STOML3: variants seen among roughly 807,000 people sequenced by gnomAD.
STOML3 encodes stomatin like 3.
A neutral mutation model predicts 29.5 loss-of-function variants in STOML3; 31 were observed. The observed-to-expected ratio is 1.05, with a 90% CI of 0.79 to 1.42. STOML3 has a LOEUF of 1.42. Among genes scored for constraint, STOML3 ranks in the 40% most tolerant of loss-of-function variants. The pLI is 0.00. For missense variants in STOML3, 380 were observed against 363.0 expected (o/e 1.05, Z -0.38); for synonymous variants, 122 against 139.8 (o/e 0.87, Z 0.90).
intron 3 of STOML3, among the ~76,000 whole-genome samples, chr13:38,973,479 T>C (rs1196181484): frequency 6.6e-6 from 1 of 152,124 alleles, no homozygotes; most frequent in African/African-American, 2.4e-5. Flanking sequence ...GAGGGCCCAT[T>C]TCCAGATTTA....
chr13:38,983,696 G>A (rs1372843933), intron 1 of STOML3, among the ~76,000 whole-genome samples: 1 of 152,106 alleles, frequency 6.6e-6, no homozygotes, highest in Non-Finnish European at 1.5e-5. Flanking sequence ...TATTATCTAC[G>A]CTAGTCCTAT....
At chr13:38,985,907 C>CTTTTTT (rs1868500200) in intron 1 of STOML3, among the ~76,000 whole-genome samples, 110 of 23,558 alleles carry the variant, frequency 4.7e-3, no homozygotes, top group Non-Finnish European at 6.8e-3. Flanking sequence ...TTTTTCTTTT[C>CTTTTTT]TTTCTTTTTT....
At chr13:38,968,331 C>T in intron 6 of STOML3, 69 bp downstream of exon 6, 1 of 1,566,076 alleles carries the variant, frequency 6.4e-7, no homozygotes, top group Non-Finnish European at 8.7e-7. Context: ...ATCTTCTGTT[C>T]AAGTCCTATC....
intron 1 of STOML3, among the ~76,000 whole-genome samples, chr13:38,985,026 A>G (rs758994342): frequency 2.0e-5 from 3 of 152,188 alleles, no homozygotes; most frequent in Non-Finnish European, 4.4e-5. Context: ...ATCAGACAAG[A>G]TTCTATTTTC....
rs369846460 is a variant in STOML3, at chr13:38,966,959, G to A, written c.742C>T (p.Arg248Cys). 172 of 1,614,044 alleles carry A rather than the reference G, an allele frequency of 1.1e-4. No individual in the cohort carries two copies. Among genetic ancestry groups the A allele is most frequent in the Middle Eastern group, 1.6e-4 (1 of 6,062 alleles). ...ACCGTGCTCAAGGTCTGCAGGTAGC[G>A]CAGCTGGAGAGCTATGGGAGACTCA... is the stretch of plus-strand genomic sequence containing the variant. ...LAESPIALQLRYLQTLSTVAT... is the reference protein window; with the variant it reads ...LAESPIALQLCYLQTLSTVAT... The change falls in exon 7 of 7, where the codon CGC (arginine) becomes TGC (cysteine). Residue 248 changes from arginine (R) to cysteine (C), a missense_variant. Transcript: ENST00000379631.
At chr13:38,990,644 G>T in intron 1 of STOML3, 26 bp downstream of exon 1, 1 of 1,612,918 alleles carries the variant, frequency 6.2e-7, no homozygotes. Context: ...TAAAAAACAA[G>T]CCTAAGACAG....
rs776422641 is a variant in STOML3 at position 38,972,511 on chromosome 13, C to A, written c.312+1G>T. The A allele has an allele frequency of 1.2e-5, 20 of 1,613,388 alleles. No individual in the cohort carries two copies. The highest frequency in any genetic ancestry group is 2.5e-6 in the Non-Finnish European group (3 of 1,179,544). On this transcript the variant is annotated splice_donor_variant, in intron 4 of 6. Transcript: ENST00000379631. LOFTEE classifies it high-confidence loss of function. ...AGTGACATATCCTTAATCAGTACTACCTCTTGTGGAGGAATGTTGCAAGTA... is the reference window on the plus strand; with the variant it reads ...AGTGACATATCCTTAATCAGTACTAACTCTTGTGGAGGAATGTTGCAAGTA...
intron 1 of STOML3, among the ~76,000 whole-genome samples, chr13:38,987,745 T>C (rs902304303): frequency 8.0e-6 from 1 of 124,510 alleles, no homozygotes; most frequent in African/African-American, 3.1e-5. Flanking sequence ...ATATATAAAA[T>C]ATATAGTATG....
At chr13:38,967,691 C>T (rs1012497981) in intron 6 of STOML3, among the ~76,000 whole-genome samples, 3 of 152,164 alleles carry the variant, frequency 2.0e-5, no homozygotes, top group Non-Finnish European at 2.9e-5. Context: ...GAGTCCCTTC[C>T]TGGAAGCTGC....
Position 38,988,375 on chromosome 13 carries a change from T to TTTATATAAAATATATG in STOML3, c.52+2294_52+2295insCATATATTTTATATAA, listed in dbSNP as rs1868771318. Among the ~76,000 whole-genome samples the TTTATATAAAATATATG allele has an allele frequency of 4.9e-5, 3 of 60,880 alleles. 1 individual carries two copies. In the African/African-American group the frequency reaches 5.4e-4, roughly 11 times the overall value. The allele number at this position is 60,880 out of a possible 152,430, so 39.9% of individuals were successfully genotyped here. A position where few individuals can be genotyped will look rare whatever the true frequency, so the allele number is the denominator to read the frequency against. ...ATATCATATATTTTATATAATATAT[T>TTTATATAAAATATATG]ATATTTTATATCATATATTTTATAT... On this transcript the variant is annotated intron_variant, in intron 1 of 6. Coordinates refer to ENST00000379631, the MANE Select transcript of STOML3 (RefSeq NM_145286.3).
intron 1 of STOML3, among the ~76,000 whole-genome samples, chr13:38,988,074 C>T (rs1443094519): frequency 9.0e-4 from 88 of 97,818 alleles, no homozygotes; most frequent in East Asian, 2.2e-3. Context: ...TATTTTATAT[C>T]ATATATTTTA....
intron 1 of STOML3, among the ~76,000 whole-genome samples, chr13:38,983,012 A>G (rs1881320752): frequency 6.6e-6 from 1 of 152,196 alleles, no homozygotes; most frequent in African/African-American, 2.4e-5. Context: ...AGACACAGGC[A>G]TGAGTGACTA....
In STOML3 at chr13:38,990,723, T is replaced by C. The variant is rs1318109258; in HGVS notation, c.-2A>G. The C allele has an allele frequency of 5.6e-6, 9 of 1,613,732 alleles. No individual in the cohort carries two copies. Among genetic ancestry groups the C allele is most frequent in the Admixed American group, 5.0e-5 (3 of 59,982 alleles). ...AGGTGAAGACACCCTAGAATCCATC[T>C]CATTCTTGAGAAGCTTTTATACTTG... On this transcript the variant is annotated 5_prime_UTR_variant, in exon 1 of 7. Transcript: ENST00000379631.
intron 1 of STOML3, among the ~76,000 whole-genome samples, chr13:38,985,058 A>G (rs1389481265): frequency 2.6e-5 from 4 of 152,202 alleles, no homozygotes; most frequent in African/African-American, 7.2e-5. Context: ...TCAATTAACC[A>G]AAGAACCATA....
intron 3 of STOML3, among the ~76,000 whole-genome samples, chr13:38,975,322 G>GAAA (rs5802966): frequency 4.1e-5 from 6 of 144,868 alleles, no homozygotes; most frequent in Admixed American, 2.1e-4. Flanking sequence ...CTCTGTCTCA[G>GAAA]AAAAAAAAAA....
At chr13:38,969,497 A>G (rs1037623716) in intron 5 of STOML3, among the ~76,000 whole-genome samples, 8 of 152,212 alleles carry the variant, frequency 5.3e-5, no homozygotes, top group African/African-American at 9.6e-5. Context: ...ACTGCCTTAT[A>G]AAAGCTTGGG....
intron 1 of STOML3, among the ~76,000 whole-genome samples, chr13:38,982,175 C>T (rs115240293): frequency 0.016 from 2,483 of 152,074 alleles, 66 homozygotes; most frequent in African/African-American, 0.057. Flanking sequence ...CTCAGCTTGA[C>T]TAAATTTTAG....
intron 3 of STOML3, 128 bp downstream of exon 3, chr13:38,976,412 C>A: frequency 1.0e-6 from 1 of 991,982 alleles, no homozygotes; most frequent in South Asian, 1.6e-5. Context: ...TACCAAAAGG[C>A]AAGAGCCCCA....
Position 38,972,515 on chromosome 13 carries a change from T to C in STOML3, c.309A>G (p.Gln103=), listed in dbSNP as rs757598863. The change falls in exon 4 of 7, where the codon CAA becomes CAG. Residue 103 remains glutamine, a synonymous_variant. Coordinates refer to ENST00000379631, the MANE Select transcript of STOML3 (RefSeq NM_145286.3). ...ACATATCCTTAATCAGTACTACCTC[T>C]TGTGGAGGAATGTTGCAAGTAACTG... ...LRTVTCNIPP[Q]EILTRDSVTT... 2.0e-5 allele frequency: 33 copies of C among 1,613,764 alleles called. No individual in the cohort carries two copies. In the South Asian group the frequency reaches 3.6e-4, roughly 18 times the overall value.
Sources: gnomAD v4.1 joint callset for allele counts (sites outside exome capture counted in the v4.1 genomes callset) on GRCh38, gnomAD v4.1.1 for gene constraint, MANE v1.5 for transcripts, NCBI Gene and HGNC (gene_info 2026-07-23, HGNC 2026-07-21) for gene names.